The following FANK1 variants were observed in gnomAD, a reference collection of about 807,000 sequenced individuals.
The protein encoded by FANK1 is fibronectin type 3 and ankyrin repeat domains protein 1.
Under a neutral mutation model 45.3 loss-of-function variants are expected in FANK1, and 44 were observed. The ratio of observed to expected loss-of-function variants is 0.97; its 90% CI spans 0.76 to 1.25. FANK1 has a LOEUF of 1.25. Ranked by LOEUF, FANK1 falls within the 50% of genes most tolerant of loss-of-function variation. The probability of loss-of-function intolerance (pLI) is 0.00; values close to 1 mark genes in which losing one functional copy is unlikely to be tolerated. For synonymous variants in FANK1, 149 were observed against 152.5 expected, an observed-to-expected ratio of 0.98 and a Z score of 0.17; for missense variants, 391 against 424.4, an observed-to-expected ratio of 0.92 and a Z score of 0.69.
chr10:125,951,193 T>C (rs1207383634), intron 1 of FANK1, among the ~76,000 whole-genome samples: 3 of 150,062 alleles, frequency 2.0e-5, no homozygotes, highest in Admixed American at 1.3e-4. Context: ...TGTATACATA[T>C]GTAACCTGCA....
intron 3 of FANK1, chr10:125,989,429 G>A: frequency 7.0e-7 from 1 of 1,424,324 alleles, no homozygotes. Context: ...TTTTATTCCA[G>A]GTAGCATTTG....
intron 1 of FANK1, among the ~76,000 whole-genome samples, chr10:125,953,174 A>G (rs191028612): frequency 8.1e-4 from 123 of 152,316 alleles, no homozygotes; most frequent in Non-Finnish European, 1.3e-3. Context: ...GTGATAAGCC[A>G]GGAACCCTGC....
chr10:125,940,701 G>A (rs1395953958), intron 1 of FANK1, among the ~76,000 whole-genome samples: 4 of 152,020 alleles, frequency 2.6e-5, no homozygotes, highest in South Asian at 2.1e-4. Flanking sequence ...CCCTTCGCAC[G>A]AGGCCATATC....
intron 1 of FANK1, among the ~76,000 whole-genome samples, chr10:125,964,658 T>C (rs923175665): frequency 6.6e-6 from 1 of 152,246 alleles, no homozygotes; most frequent in Non-Finnish European, 1.5e-5. Context: ...TCCAGTCTTC[T>C]CATGCTGGCC....
intron 1 of FANK1, among the ~76,000 whole-genome samples, chr10:125,977,649 G>T (rs1272715086): frequency 6.6e-6 from 1 of 152,136 alleles, no homozygotes; most frequent in South Asian, 2.1e-4. Flanking sequence ...GTGGCCGGGG[G>T]TTATTTGCTT....
At chr10:125,919,361 A>C (rs1946768431) in intron 1 of FANK1, among the ~76,000 whole-genome samples, 1 of 151,058 alleles carries the variant, frequency 6.6e-6, no homozygotes, top group African/African-American at 2.4e-5. Context: ...ACACACCACC[A>C]CACCCGGCTG....
intron 6 of FANK1, among the ~76,000 whole-genome samples, chr10:126,003,768 T>G (rs1952958203): frequency 6.6e-6 from 1 of 152,048 alleles, no homozygotes. Flanking sequence ...CTCCGCCTCC[T>G]GGGTTCAAGT....
chr10:125,925,406 T>C (rs1298275007), intron 1 of FANK1, among the ~76,000 whole-genome samples: 1 of 152,170 alleles, frequency 6.6e-6, no homozygotes, highest in Non-Finnish European at 1.5e-5. Flanking sequence ...ATCTTTCACG[T>C]GTATGTGTGT....
At chr10:125,908,500 A>G (rs1309449342) in intron 1 of FANK1, among the ~76,000 whole-genome samples, 1 of 152,204 alleles carries the variant, frequency 6.6e-6, no homozygotes, top group Non-Finnish European at 1.5e-5. Context: ...TAACTCAGGA[A>G]TGGAAAACCG....
chr10:125,921,245 A>G (rs1946924546), intron 1 of FANK1, among the ~76,000 whole-genome samples: 1 of 152,236 alleles, frequency 6.6e-6, no homozygotes, highest in Admixed American at 6.5e-5. Context: ...ACTTCTGGCA[A>G]TCACTGATCT....
In FANK1 at chr10:125,962,586, G is replaced by A. The variant is rs190293555; in HGVS notation, c.14-17575G>A. 1.4e-4 allele frequency among the ~76,000 whole-genome samples: 21 copies of A among 152,058 alleles called. No homozygotes were observed. In the East Asian group the frequency reaches 3.5e-3, roughly 25 times the overall value. On this transcript the variant is annotated intron_variant, in intron 1 of 10. Transcript: ENST00000368693. ...TCATTGATTGATACAGTTTTCTGCC[G>A]AGTATAACCTGCTGTTAATTCCATT...
At chr10:125,901,007 T>G (rs1424782258) in intron 1 of FANK1, among the ~76,000 whole-genome samples, 2 of 152,094 alleles carry the variant, frequency 1.3e-5, no homozygotes, top group East Asian at 3.9e-4. Flanking sequence ...AGGGTCTTGC[T>G]GTGTGGCCCA....
intron 1 of FANK1, among the ~76,000 whole-genome samples, chr10:125,965,267 C>T (rs1950147025): frequency 5.3e-5 from 8 of 152,174 alleles, no homozygotes; most frequent in Admixed American, 5.2e-4. Context: ...GGCAATCCTC[C>T]TGAATTGCTT....
chr10:126,006,753 G>A (rs1319235082), intron 7 of FANK1, among the ~76,000 whole-genome samples: 3 of 152,164 alleles, frequency 2.0e-5, no homozygotes, highest in South Asian at 4.1e-4. Flanking sequence ...CCAGCTATTA[G>A]GGAGGCTGAA....
At chr10:125,937,538 AG>A (rs1948182200) in intron 1 of FANK1, among the ~76,000 whole-genome samples, 2 of 152,204 alleles carry the variant, frequency 1.3e-5, no homozygotes, top group Non-Finnish European at 2.9e-5. Context: ...TTAAGATTTC[AG>A]GGTATTTCCC....
chr10:126,001,961 A>AT (rs899426898), intron 6 of FANK1, among the ~76,000 whole-genome samples: 3 of 151,776 alleles, frequency 2.0e-5, no homozygotes, highest in Non-Finnish European at 2.9e-5. Context: ...CTGATATGGG[A>AT]TTTTTTTTCT....
chr10:125,985,277 T>C (rs1213465824), intron 2 of FANK1, among the ~76,000 whole-genome samples: 2 of 152,356 alleles, frequency 1.3e-5, no homozygotes, highest in East Asian at 3.9e-4. Flanking sequence ...ATATTCTCAC[T>C]GAACTTCTAA....
chr10:125,907,039 AG>A (rs1945583385), intron 1 of FANK1, among the ~76,000 whole-genome samples: 1 of 152,224 alleles, frequency 6.6e-6, no homozygotes, highest in Non-Finnish European at 1.5e-5. Context: ...TTACTGAACC[AG>A]GGTTGTTCTA....
intron 1 of FANK1, among the ~76,000 whole-genome samples, chr10:125,928,676 G>A (rs923150841): frequency 1.3e-5 from 2 of 152,232 alleles, no homozygotes; most frequent in Admixed American, 1.3e-4. Flanking sequence ...GTATCTCATG[G>A]TGTTTGTAAT....
Sources: gnomAD v4.1 joint callset for allele counts (sites outside exome capture counted in the v4.1 genomes callset) on GRCh38, gnomAD v4.1.1 for gene constraint, MANE v1.5 for transcripts, NCBI Gene and HGNC (gene_info 2026-07-23, HGNC 2026-07-21) for gene names.